Variants in DNAH5 observed in about 807,000 individuals in gnomAD.
The protein encoded by DNAH5 is axonemal beta dynein heavy chain 5.
DNAH5 carries 372 observed loss-of-function variants against 518.2 expected under a neutral mutation model. That is an observed-to-expected ratio of 0.72 (90% CI 0.66 to 0.78). The LOEUF is 0.78. DNAH5 is among the 30% of genes least tolerant of loss of function. DNAH5 has a pLI of 0.00. For missense variants in DNAH5, 5,523 were observed against 5,687.0 expected (o/e 0.97, Z 0.93); for synonymous variants, 2,039 against 2,025.9 (o/e 1.01, Z -0.17).
chr5:13,999,640 T>C (rs1426770984), intron 1 of DNAH5, among the ~76,000 whole-genome samples: 1 of 152,252 alleles, frequency 6.6e-6, no homozygotes, highest in Non-Finnish European at 1.5e-5. Context: ...TAAATACTGC[T>C]GCAATAAACA....
chr5:13,895,739 C>G (rs1032096863), intron 15 of DNAH5, among the ~76,000 whole-genome samples: 1 of 152,178 alleles, frequency 6.6e-6, no homozygotes, highest in Non-Finnish European at 1.5e-5. Context: ...AGTCTAGATT[C>G]ACAAATGGCA....
At chr5:13,803,283 T>C (rs1759066032) in intron 47 of DNAH5, among the ~76,000 whole-genome samples, 1 of 152,230 alleles carries the variant, frequency 6.6e-6, no homozygotes, top group South Asian at 2.1e-4. Flanking sequence ...TCCCATTTTA[T>C]TGTAATTCAA....
intron 1 of DNAH5, among the ~76,000 whole-genome samples, chr5:13,958,468 T>G (rs1780929725): frequency 6.6e-6 from 1 of 152,174 alleles, no homozygotes; most frequent in Non-Finnish European, 1.5e-5. Flanking sequence ...ATTTTTCTTC[T>G]GATAATTTTC....
At chr5:13,922,727 C>CAA (rs35310788) in intron 4 of DNAH5, among the ~76,000 whole-genome samples, 9 of 94,408 alleles carry the variant, frequency 9.5e-5, no homozygotes, top group South Asian at 3.6e-4. Context: ...GACCCTGTCT[C>CAA]AAAAAAAAAA....
In DNAH5 at chr5:13,787,169, C is replaced by T. The variant is rs988713977; in HGVS notation, c.8648-818G>A. On this transcript the variant is annotated intron_variant, in intron 51 of 78. Coordinates refer to ENST00000265104, the MANE Select transcript of DNAH5 (RefSeq NM_001369.3). ...CCGAGGTTGCCATAAGCCAAGCCTG[C>T]ATCCAGCCTGGGAAACAGAGCGAGA... 8.7e-5 allele frequency among the ~76,000 whole-genome samples: 13 copies of T among 148,600 alleles called. No homozygotes were observed. The Admixed American group carries it at 8.8e-4, about 10-fold the overall frequency.
At chr5:13,735,085 T>A (rs764595253) in intron 68 of DNAH5, 46 bp downstream of exon 68, 3 of 1,582,328 alleles carry the variant, frequency 1.9e-6, no homozygotes, top group Non-Finnish European at 2.6e-6. Context: ...TCACAATAAC[T>A]CCTCCATCTG....
At position 13,922,242 on chromosome 5, in the gene DNAH5, A is replaced by G. The variant is rs1326160674; in HGVS notation, c.525T>C (p.Ala175=). 6.2e-7 allele frequency: 1 copy of G among 1,614,054 alleles called. No individual in the cohort carries two copies. The highest frequency in any genetic ancestry group is 1.7e-5 in the Admixed American group (1 of 60,016). ...RRLLSDIFIP[A]LRATSHGWGE... ...CCCAGCCATGGCTCGTGGCTCTGAG[A>G]GCAGGAATGAAGATGTCCGACAGCA... Residue 175 remains alanine (A), a synonymous_variant, in exon 5 of 79, where the codon GCT becomes GCC. Coordinates refer to ENST00000265104, the MANE Select transcript of DNAH5 (RefSeq NM_001369.3).
At position 13,827,494 on chromosome 5, in the gene DNAH5, G is replaced by GT. The variant is rs1373612148; in HGVS notation, c.6444+2015dup. Among the ~76,000 whole-genome samples the GT allele has an allele frequency of 4.9e-4, 28 of 57,372 alleles. 7 individuals are homozygous for GT. The highest frequency in any genetic ancestry group is 4.4e-3 in the Admixed American group (27 of 6,076). The allele number at this position is 57,372 out of a possible 152,430, so 37.6% of individuals were successfully genotyped here. A position where few individuals can be genotyped will look rare whatever the true frequency, so the allele number is the denominator to read the frequency against. On this transcript the variant is annotated intron_variant, in intron 38 of 78. Transcript: ENST00000265104. ...GCTCCAGCTGAGGCTAACAATGCCTGTACCCCCATTGTATCTAGGGAGTAA... is the reference window on the plus strand; with the variant it reads ...GCTCCAGCTGAGGCTAACAATGCCTGTTACCCCCATTGTATCTAGGGAGTAA...
rs370363436 is a variant in DNAH5, at chr5:13,883,498, A to T, written c.2984-404T>A. On this transcript the variant is annotated intron_variant, in intron 19 of 78. Coordinates refer to ENST00000265104, the MANE Select transcript of DNAH5 (RefSeq NM_001369.3). ...TAAGCCAAAGTTAGAACAAATAACC[A>T]CTTTGGAATTTCAGATAAATCATAG... is the stretch of plus-strand genomic sequence containing the variant. Among the ~76,000 whole-genome samples the T allele has an allele frequency of 3.1e-4, 47 of 152,354 alleles. 1 individual carries two copies. Among genetic ancestry groups the T allele is most frequent in the African/African-American group, 1.1e-3 (46 of 41,592 alleles).
At position 13,777,295 on chromosome 5, in the gene DNAH5, C is replaced by A; in HGVS notation, c.9012G>T (p.Gln3004His). ...AAATAAAAGTGATTCCTTTGCCTTG[C>A]TGACCAGCTGTTCGATACAAAACCT... ...DLKVLYRTAG[Q>H]QGKGITFIFT... The change falls in exon 54 of 79, where the codon CAG (glutamine) becomes CAT (histidine). Residue 3004 changes from glutamine (Q) to histidine (H), a missense_variant. Gln to His is a conservative substitution (Grantham distance 24, BLOSUM62 0). Coordinates refer to ENST00000265104, the MANE Select transcript of DNAH5 (RefSeq NM_001369.3). 1.9e-6 allele frequency: 3 copies of A among 1,613,396 alleles called. No homozygotes were observed. Among genetic ancestry groups the A allele is most frequent in the Non-Finnish European group, 2.5e-6 (3 of 1,179,584 alleles).
chr5:13,855,528 C>T lies in DNAH5; in HGVS notation c.4950+3924G>A, dbSNP rs936282326. On this transcript the variant is annotated intron_variant, in intron 30 of 78. Coordinates refer to ENST00000265104, the MANE Select transcript of DNAH5 (RefSeq NM_001369.3). Reference sequence around the variant, plus strand: ...CGGCCATAAATCTTACATTTTAATGCCCATACTCTTCAATAGTGGGAGACT... The same window carrying T: ...CGGCCATAAATCTTACATTTTAATGTCCATACTCTTCAATAGTGGGAGACT... Among the ~76,000 whole-genome samples, 38 of 152,134 alleles carry T rather than the reference C, an allele frequency of 2.5e-4. 2 individuals carry two copies. The highest frequency in any genetic ancestry group is 2.4e-3 in the Admixed American group (36 of 15,280).
intron 29 of DNAH5, among the ~76,000 whole-genome samples, chr5:13,861,455 A>C (rs1278060144): frequency 6.6e-6 from 1 of 152,228 alleles, no homozygotes; most frequent in Non-Finnish European, 1.5e-5. Flanking sequence ...TGATATTTTA[A>C]AGCTAGAATA....
intron 1 of DNAH5, among the ~76,000 whole-genome samples, chr5:14,008,896 C>A (rs1357914075): frequency 6.6e-6 from 1 of 152,224 alleles, no homozygotes; most frequent in African/African-American, 2.4e-5. Context: ...GTTCATTCCA[C>A]CAGTTCTATG....
At chr5:13,822,392 A>G (rs1762343767) in intron 40 of DNAH5, among the ~76,000 whole-genome samples, 1 of 152,048 alleles carries the variant, frequency 6.6e-6, no homozygotes, top group Middle Eastern at 3.2e-3. Flanking sequence ...ATGGGACTAT[A>G]GGCACATGGC....
intron 12 of DNAH5, among the ~76,000 whole-genome samples, chr5:13,910,166 G>A (rs1775817133): frequency 6.6e-6 from 1 of 152,098 alleles, no homozygotes; most frequent in Non-Finnish European, 1.5e-5. Flanking sequence ...ATCAAATGAA[G>A]CCTGCTGCAT....
At chr5:13,947,973 T>C (rs2152033107), upstream of DNAH5, among the ~76,000 whole-genome samples, 1 of 152,368 alleles carries the variant, frequency 6.6e-6, no homozygotes, top group South Asian at 2.1e-4. Context: ...TAATTGCTGT[T>C]GGCCAGACAA....
intron 53 of DNAH5, among the ~76,000 whole-genome samples, chr5:13,780,421 G>A (rs1236201266): frequency 6.6e-6 from 1 of 152,160 alleles, no homozygotes; most frequent in Non-Finnish European, 1.5e-5. Context: ...TGACACATAG[G>A]CAGTGTTCAA....
chr5:13,802,795 G>T (rs1758973774), intron 47 of DNAH5, among the ~76,000 whole-genome samples: 2 of 152,164 alleles, frequency 1.3e-5, no homozygotes, highest in Non-Finnish European at 2.9e-5. Context: ...TAGGCTGAAA[G>T]TCAGGAAAAA....
intron 37 of DNAH5, 75 bp downstream of exon 37, chr5:13,829,951 A>G: frequency 7.4e-7 from 1 of 1,359,808 alleles, no homozygotes; most frequent in East Asian, 2.3e-5. Flanking sequence ...AAAACAGATG[A>G]CATATGACCA....
Sources: allele counts gnomAD v4.1 joint callset (sites outside exome capture counted in the v4.1 genomes callset), GRCh38; gene constraint gnomAD v4.1.1; transcripts MANE v1.5; gene names NCBI Gene and HGNC (gene_info 2026-07-23, HGNC 2026-07-21).